STX5: variants seen among roughly 807,000 people sequenced by gnomAD.
STX5 encodes syntaxin 5.
A neutral mutation model predicts 42.9 loss-of-function variants in STX5; 15 were observed. The observed-to-expected ratio is 0.35, with a 90% CI of 0.23 to 0.54. The LOEUF is 0.54. STX5 is among the 20% of genes least tolerant of loss of function. The probability of loss-of-function intolerance (pLI) is 0.91; values close to 1 mark genes in which losing one functional copy is unlikely to be tolerated. For synonymous variants in STX5, 184 were observed against 173.2 expected, an observed-to-expected ratio of 1.06 and a Z score of -0.49; for missense variants, 430 against 455.0, an observed-to-expected ratio of 0.95 and a Z score of 0.50.
At chr11:62,813,336 A>G (rs182629642) in intron 10 of STX5, among the ~76,000 whole-genome samples, 35 of 152,252 alleles carry the variant, frequency 2.3e-4, no homozygotes, top group African/African-American at 7.9e-4. Flanking sequence ...AGCTGTACTC[A>G]CGGTACCTTA....
At chr11:62,810,844 T>C in intron 10 of STX5, among the ~76,000 whole-genome samples, 1 of 152,260 alleles carries the variant, frequency 6.6e-6, no homozygotes, top group Non-Finnish European at 1.5e-5. Context: ...TGTATATGGT[T>C]GCCCATAAAT....
chr11:62,830,178 T>C lies in STX5; in HGVS notation c.225+841A>G, dbSNP rs79593087. ...CACGTCCAGCTTTTTTTTTTTTTTT[T>C]CCTGTAGAAACAGGGTCTTGCTTTG... On this transcript the variant is annotated intron_variant, in intron 2 of 10. Transcript: ENST00000294179. Among the ~76,000 whole-genome samples, 7 of 149,880 alleles carry C rather than the reference T, an allele frequency of 4.7e-5. No homozygotes were observed. In the East Asian group the frequency reaches 1.4e-3, roughly 30 times the overall value.
At chr11:62,807,910 C>T in intron 10 of STX5, 1 of 435,824 alleles carries the variant, frequency 2.3e-6, no homozygotes, top group Admixed American at 3.7e-5. Context: ...TTCTCTCAGG[C>T]TACTGTCTGT....
chr11:62,818,446 CAGCT>C lies in STX5; in HGVS notation c.908+5716_908+5719del, dbSNP rs1235595449. Among the ~76,000 whole-genome samples the C allele has an allele frequency of 2.6e-5, 4 of 151,058 alleles. 1 individual carries two copies. The highest frequency in any genetic ancestry group is 5.9e-5 in the Non-Finnish European group (4 of 67,878). On this transcript the variant is annotated intron_variant, in intron 10 of 10. Transcript: ENST00000294179. Reference sequence around the variant, plus strand: ...GTATGCTAGTGGTTGCCTGTAATCCCAGCTACTCGGTAAGCTGAGGCACAAGAAT... The same window carrying C: ...GTATGCTAGTGGTTGCCTGTAATCCCACTCGGTAAGCTGAGGCACAAGAAT...
intron 10 of STX5, among the ~76,000 whole-genome samples, chr11:62,809,673 C>CAAAAAAAAAAAAAAAAAAAAAAA: frequency 5.2e-5 from 1 of 19,180 alleles, no homozygotes; most frequent in Non-Finnish European, 1.1e-4. Flanking sequence ...GACTCTGTCT[C>CAAAAAAAAAAAAAAAAAAAAAAA]AAAAAAAAAA....
intron 10 of STX5, among the ~76,000 whole-genome samples, chr11:62,808,411 CAT>C (rs1284768594): frequency 1.4e-5 from 2 of 139,988 alleles, no homozygotes; most frequent in African/African-American, 2.7e-5. Flanking sequence ...GCATGGGTGA[CAT>C]AGCAAGACTG....
intron 10 of STX5, among the ~76,000 whole-genome samples, chr11:62,814,012 T>C (rs2134816998): frequency 6.6e-6 from 1 of 152,212 alleles, no homozygotes; most frequent in African/African-American, 2.4e-5. Flanking sequence ...ATACCTTTAT[T>C]TTCTCTCAGC....
In STX5 at chr11:62,824,211, T is replaced by C. The variant is rs1042651706; in HGVS notation, c.863A>G (p.Gln288Arg). The C allele has an allele frequency of 4.3e-6, 7 of 1,614,220 alleles. No individual in the cohort carries two copies. Among genetic ancestry groups the C allele is most frequent in the Non-Finnish European group, 5.9e-6 (7 of 1,180,036 alleles). Residue 288 changes from glutamine (Q) to arginine (R), a missense_variant, in exon 10 of 11, where the codon CAG (glutamine) becomes CGG (arginine). Physicochemically the swap from Gln to Arg is conservative, Grantham distance 43 (BLOSUM62 1). Transcript: ENST00000294179. ...TTCCTTAACCATGTGTGCCAACTGC[T>C]GAAAGATGGAGCCCAACTCAACAAT... ...STIVELGSIF[Q>R]QLAHMVKEQE...
chr11:62,813,364 A>G (rs187621592), intron 10 of STX5, among the ~76,000 whole-genome samples: 1 of 152,190 alleles, frequency 6.6e-6, no homozygotes, highest in Non-Finnish European at 1.5e-5. Context: ...CTGGTGCTCA[A>G]CATATAGTAG....
In STX5 at chr11:62,825,441, G is replaced by T. The variant is rs1319880055; in HGVS notation, c.522C>A (p.Thr174=). The part of the protein sequence containing the change: ...SGRHLQTHSN[T]IVVSLQSKLA... ...GTCCCACCTGCAAGGAGACCACAAT[G>T]GTGTTGGAGTGGGTCTGCAGGTGCC... Residue 174 remains threonine, a synonymous_variant, in exon 6 of 11, where the codon ACC becomes ACA. Coordinates refer to ENST00000294179, the MANE Select transcript of STX5 (RefSeq NM_003164.5). 1 of 1,614,162 alleles carries T rather than the reference G, an allele frequency of 6.2e-7. No individual in the cohort carries two copies. The highest frequency in any genetic ancestry group is 1.7e-5 in the Admixed American group (1 of 60,008).
chr11:62,822,851 G>T (rs1590971579), intron 10 of STX5, among the ~76,000 whole-genome samples: 1 of 152,128 alleles, frequency 6.6e-6, no homozygotes, highest in South Asian at 2.1e-4. Context: ...CACCACAGAG[G>T]AGGAGCAGAT....
chr11:62,826,914 G>A (rs898010024), intron 5 of STX5, among the ~76,000 whole-genome samples: 1 of 150,658 alleles, frequency 6.6e-6, no homozygotes, highest in African/African-American at 2.4e-5. Context: ...ATCCAGGAAT[G>A]AGGGCATGTC....
chr11:62,818,940 C>A (rs1168051044), intron 10 of STX5, among the ~76,000 whole-genome samples: 3 of 151,830 alleles, frequency 2.0e-5, no homozygotes, highest in African/African-American at 7.3e-5. Context: ...GAAGGTGAGG[C>A]CGGGTGCGGT....
intron 10 of STX5, among the ~76,000 whole-genome samples, chr11:62,816,775 C>T (rs1351296952): frequency 1.4e-5 from 2 of 142,042 alleles, no homozygotes; most frequent in Non-Finnish European, 3.0e-5. Context: ...TGTGGTGGTA[C>T]GTGACTGTAC....
chr11:62,807,613 CA>C lies in STX5; in HGVS notation c.923del (p.Val308GlyfsTer2). 6.2e-7 allele frequency: 1 copy of C among 1,614,082 alleles called. No homozygotes were observed. Among genetic ancestry groups the C allele is most frequent in the Non-Finnish European group, 8.5e-7 (1 of 1,180,028 alleles). ...CCTCAACGTCCAGCTGGGCTCCTAG[CA>C]CGTTCTCGTCGATCCTGGGGACAAG... ...EETIQRIDENVLGAQLDVEAA... is the reference protein window; with the variant it reads ...EETIQRIDENXLGAQLDVEAA... On this transcript the variant is annotated frameshift_variant, in exon 11 of 11. Transcript: ENST00000294179. LOFTEE classifies it high-confidence loss of function.
At chr11:62,823,324 G>A (rs910045675) in intron 10 of STX5, among the ~76,000 whole-genome samples, 1 of 151,652 alleles carries the variant, frequency 6.6e-6, no homozygotes, top group Non-Finnish European at 1.5e-5. Context: ...ACAGGCACAC[G>A]CAACCATGTC....
Position 62,825,401 on chromosome 11 carries a change from TC to T in STX5, c.540+21del. Reference sequence around the variant, plus strand: ...TCCACATTCTTCCTCTTTGCCTCCCTCCCTTCCTCCCCAGGTCCCACCTGCA... The same window carrying T: ...TCCACATTCTTCCTCTTTGCCTCCCTCCTTCCTCCCCAGGTCCCACCTGCA... On this transcript the variant is annotated intron_variant, in intron 6 of 10. Coordinates refer to ENST00000294179, the MANE Select transcript of STX5 (RefSeq NM_003164.5). 5 of 1,614,044 alleles carry T rather than the reference TC, an allele frequency of 3.1e-6. No individual in the cohort carries two copies. The South Asian group carries it at 4.4e-5, about 14-fold the overall frequency.
intron 10 of STX5, chr11:62,807,843 T>C: frequency 1.2e-6 from 1 of 831,322 alleles, no homozygotes; most frequent in Non-Finnish European, 1.8e-6. Flanking sequence ...TCTAAGTTAG[T>C]CTAACTTCAA....
intron 10 of STX5, among the ~76,000 whole-genome samples, chr11:62,818,151 A>T (rs1279292469): frequency 6.7e-6 from 1 of 149,874 alleles, no homozygotes; most frequent in Non-Finnish European, 1.5e-5. Context: ...AGGCTGAGGC[A>T]GGAGAATCAC....
Sources: allele counts gnomAD v4.1 joint callset (sites outside exome capture counted in the v4.1 genomes callset), GRCh38; gene constraint gnomAD v4.1.1; transcripts MANE v1.5; gene names NCBI Gene and HGNC (gene_info 2026-07-23, HGNC 2026-07-21).